Variants in LDB2 observed in about 807,000 individuals in gnomAD.
The protein encoded by LDB2 is LIM domain binding 2.
Under a neutral mutation model 44.3 loss-of-function variants are expected in LDB2, and 12 were observed. The observed-to-expected ratio is 0.27, with a 90% confidence interval of 0.17 to 0.44. The LOEUF (loss-of-function observed/expected upper bound fraction) is 0.44, where lower values mean the gene tolerates loss of function less well. Ranked by LOEUF, LDB2 falls within the 20% of genes least tolerant of loss-of-function variation. LDB2 has a pLI of 1.00. For synonymous variants in LDB2, 164 were observed against 174.8 expected, an observed-to-expected ratio of 0.94 and a Z score of 0.49; for missense variants, 344 against 473.5, an observed-to-expected ratio of 0.73 and a Z score of 2.54.
At chr4:16,563,652 G>C (rs1041715557) in intron 5 of LDB2, among the ~76,000 whole-genome samples, 11 of 150,824 alleles carry the variant, frequency 7.3e-5, no homozygotes, top group Non-Finnish European at 1.3e-4. Context: ...TAGAGACCGG[G>C]TTTCACCATG....
chr4:16,614,162 T>C (rs1294140751), intron 2 of LDB2, among the ~76,000 whole-genome samples: 2 of 152,068 alleles, frequency 1.3e-5, no homozygotes, highest in Non-Finnish European at 2.9e-5. Flanking sequence ...AAACAAGCAA[T>C]GGGGAAAGGA....
chr4:16,535,128 G>A (rs1553277), intron 5 of LDB2, among the ~76,000 whole-genome samples: 11,926 of 152,232 alleles, frequency 0.078, 506 homozygotes, highest in South Asian at 0.16. Flanking sequence ...CTGTGATTGC[G>A]TGAGAGAAGG....
intron 1 of LDB2, among the ~76,000 whole-genome samples, chr4:16,794,878 C>A (rs1157502989): frequency 6.6e-6 from 1 of 152,170 alleles, no homozygotes; most frequent in Non-Finnish European, 1.5e-5. Context: ...AGTCTGAGTT[C>A]ATTCCCACAT....
rs1288751282 is a variant in LDB2 at position 16,839,620 on chromosome 4, T to TAATCTGTCAAGAGTTAAGG, written c.132+58715_132+58733dup. ...AGTTAAGTAATTTTCCCAAGTTAAG[T>TAATCTGTCAAGAGTTAAGG]AATCTGTCAAGAGTTAAGGAATTTG... is the stretch of plus-strand genomic sequence containing the variant. On this transcript the variant is annotated intron_variant, in intron 1 of 7. Transcript: ENST00000304523. Among the ~76,000 whole-genome samples the TAATCTGTCAAGAGTTAAGG allele has an allele frequency of 2.0e-3, 309 of 152,302 alleles. 4 individuals carry two copies. The East Asian group carries it at 0.036, about 18-fold the overall frequency.
chr4:16,696,731 A>C (rs990677754), intron 2 of LDB2, among the ~76,000 whole-genome samples: 2 of 152,202 alleles, frequency 1.3e-5, no homozygotes, highest in African/African-American at 4.8e-5. Context: ...TTCTTAGAGC[A>C]GTGGTCATAC....
chr4:16,632,371 A>G (rs1306400941), intron 2 of LDB2, among the ~76,000 whole-genome samples: 1 of 152,210 alleles, frequency 6.6e-6, no homozygotes, highest in Non-Finnish European at 1.5e-5. Flanking sequence ...GCCTTCAACA[A>G]CATTCAACAG....
intron 5 of LDB2, among the ~76,000 whole-genome samples, chr4:16,542,796 TTTG>T (rs1734302468): frequency 1.3e-5 from 2 of 152,144 alleles, no homozygotes; most frequent in African/African-American, 2.4e-5. Context: ...TTTGTTTTGT[TTTG>T]TTGTTATACT....
intron 2 of LDB2, among the ~76,000 whole-genome samples, chr4:16,715,800 C>A (rs283038): frequency 0.37 from 55,626 of 151,884 alleles, 10,581 homozygotes; most frequent in Admixed American, 0.43. Flanking sequence ...ATTCAACCCA[C>A]AAGAAGGAGT....
At position 16,588,789 on chromosome 4, in the gene LDB2, T is replaced by C; in HGVS notation, c.452A>G (p.Asp151Gly). Residue 151 changes from aspartate (D) to glycine (G), a missense_variant, in exon 4 of 8, where the codon GAT becomes GGT. Transcript: ENST00000304523. Reference sequence around the variant, plus strand: ...GTGCCATGTTTTGATTCTCATGAGATCATCAAAGGTGAACTCCAAGATCAG... The same window carrying C: ...GTGCCATGTTTTGATTCTCATGAGACCATCAAAGGTGAACTCCAAGATCAG... ...GRLILEFTFD[D>G]LMRIKTWHFT... The C allele has an allele frequency of 6.2e-7, 1 of 1,613,188 alleles. No individual in the cohort carries two copies. Among genetic ancestry groups the C allele is most frequent in the Non-Finnish European group, 8.5e-7 (1 of 1,179,158 alleles).
chr4:16,554,009 C>G (rs1156882812), intron 5 of LDB2, among the ~76,000 whole-genome samples: 2 of 152,084 alleles, frequency 1.3e-5, no homozygotes, highest in African/African-American at 4.8e-5. Flanking sequence ...TCTCTCTCTT[C>G]CCCCTGACAT....
chr4:16,801,449 T>C lies in LDB2; in HGVS notation c.133-42189A>G, dbSNP rs186386501. On this transcript the variant is annotated intron_variant, in intron 1 of 7. Coordinates refer to ENST00000304523, the MANE Select transcript of LDB2 (RefSeq NM_001290.5). ...AAACTGGAAGTATAATAGGACCACTTATACCCAGAGGAGAAGGAAATTGAA... is the reference window on the plus strand; with the variant it reads ...AAACTGGAAGTATAATAGGACCACTCATACCCAGAGGAGAAGGAAATTGAA... Among the ~76,000 whole-genome samples the C allele has an allele frequency of 1.4e-4, 22 of 152,216 alleles. No individual in the cohort carries two copies. In the East Asian group the frequency reaches 3.9e-3, roughly 27 times the overall value.
intron 1 of LDB2, among the ~76,000 whole-genome samples, chr4:16,839,539 A>T (rs547635661): frequency 6.6e-6 from 1 of 152,256 alleles, no homozygotes; most frequent in South Asian, 2.1e-4. Flanking sequence ...CCAGACTATA[A>T]CACCCAGTTT....
At chr4:16,589,935 C>A (rs936063865) in intron 3 of LDB2, among the ~76,000 whole-genome samples, 1 of 152,054 alleles carries the variant, frequency 6.6e-6, no homozygotes, top group African/African-American at 2.4e-5. Flanking sequence ...TAGAAATATC[C>A]TTGGGTAAGA....
At chr4:16,523,173 A>G (rs545584545) in intron 5 of LDB2, among the ~76,000 whole-genome samples, 1 of 152,182 alleles carries the variant, frequency 6.6e-6, no homozygotes, top group Admixed American at 6.5e-5. Context: ...ATGTGATTTT[A>G]TGGGTTACCA....
intron 4 of LDB2, among the ~76,000 whole-genome samples, chr4:16,586,550 CAT>C (rs796273220): frequency 0.052 from 7,088 of 136,644 alleles, 216 homozygotes; most frequent in Non-Finnish European, 0.075. Context: ...CACACACACA[CAT>C]ATATATGGAG....
intron 2 of LDB2, among the ~76,000 whole-genome samples, chr4:16,757,106 T>C (rs1766820462): frequency 6.6e-6 from 1 of 152,180 alleles, no homozygotes; most frequent in Non-Finnish European, 1.5e-5. Flanking sequence ...TGGCACAGCA[T>C]GCCTGGACCT....
At chr4:16,821,768 A>AAAAAAAAAAAAAG (rs1782113007) in intron 1 of LDB2, among the ~76,000 whole-genome samples, 1 of 150,204 alleles carries the variant, frequency 6.7e-6, no homozygotes, top group Non-Finnish European at 1.5e-5. Flanking sequence ...AAAAAAAAAA[A>AAAAAAAAAAAAAG]AATCAGGAAT....
intron 5 of LDB2, among the ~76,000 whole-genome samples, chr4:16,519,123 CTTTTCT>C (rs1430554142): frequency 1.3e-5 from 2 of 152,152 alleles, no homozygotes; most frequent in Non-Finnish European, 2.9e-5. Flanking sequence ...CTATATTTTA[CTTTTCT>C]TTTTATTTAA....
intron 1 of LDB2, among the ~76,000 whole-genome samples, chr4:16,810,738 G>T (rs1779691082): frequency 6.9e-6 from 1 of 144,852 alleles, no homozygotes; most frequent in African/African-American, 2.5e-5. Flanking sequence ...TTTTCAGGGG[G>T]GTTCACGGAA....
Sources: allele counts gnomAD v4.1 joint callset (sites outside exome capture counted in the v4.1 genomes callset), GRCh38; gene constraint gnomAD v4.1.1; transcripts MANE v1.5; gene names NCBI Gene and HGNC (gene_info 2026-07-23, HGNC 2026-07-21).